EFHC1: variants seen among roughly 807,000 people sequenced by gnomAD.
The protein encoded by EFHC1 is EF-hand domain containing 1.
EFHC1 carries 53 observed loss-of-function variants against 69.9 expected under a neutral mutation model. The ratio of observed to expected loss-of-function variants is 0.76; its 90% CI spans 0.61 to 0.95. The LOEUF (loss-of-function observed/expected upper bound fraction) is 0.95. EFHC1 is among the 40% of genes least tolerant of loss of function. The pLI, the probability that EFHC1 is intolerant of heterozygous loss-of-function variation, is 0.00. For synonymous variants in EFHC1, 256 were observed against 278.4 expected (o/e 0.92, Z 0.80); for missense variants, 739 against 798.7 (o/e 0.93, Z 0.90).
intron 7 of EFHC1, among the ~76,000 whole-genome samples, chr6:52,478,089 T>G (rs1467936671): frequency 6.6e-6 from 1 of 152,206 alleles, no homozygotes; most frequent in Non-Finnish European, 1.5e-5. Context: ...TGGAATACTA[T>G]GCAGCCATAA....
At chr6:52,447,439 T>G (rs1008525593) in intron 3 of EFHC1, among the ~76,000 whole-genome samples, 3 of 152,210 alleles carry the variant, frequency 2.0e-5, no homozygotes, top group African/African-American at 7.2e-5. Flanking sequence ...TTTTCTACAC[T>G]GTTTATTCTA....
intron 9 of EFHC1, chr6:52,483,722 T>C (rs1452392028): frequency 6.6e-6 from 1 of 152,248 alleles, no homozygotes; most frequent in Non-Finnish European, 1.5e-5. Flanking sequence ...AGTCCTCAAT[T>C]TGGCCCTGTG....
chr6:52,463,011 T>TTTTTGTTTGTTTTG, intron 5 of EFHC1, among the ~76,000 whole-genome samples: 1 of 149,310 alleles, frequency 6.7e-6, no homozygotes. Flanking sequence ...TTTTGTTTTG[T>TTTTTGTTTGTTTTG]TTTTGTTTGT....
In EFHC1 at chr6:52,464,877, A is replaced by AT; in HGVS notation, c.917-18_917-17insT. ...ACTCATTCCTTCTTTTTTTCTCTCTAACACCATCTTATATTAGAGAACTTC... is the reference window on the plus strand; with the variant it reads ...ACTCATTCCTTCTTTTTTTCTCTCTATACACCATCTTATATTAGAGAACTTC... On this transcript the variant is annotated splice_polypyrimidine_tract_variant and intron_variant, in intron 5 of 10. Transcript: ENST00000371068. 1.2e-6 allele frequency: 2 copies of AT among 1,606,244 alleles called. No individual in the cohort carries two copies. Among genetic ancestry groups the AT allele is most frequent in the Non-Finnish European group, 1.7e-6 (2 of 1,172,904 alleles).
chr6:52,490,285 A>G lies in EFHC1; in HGVS notation c.1786A>G (p.Arg596Gly), dbSNP rs1765870228. 6.2e-7 allele frequency: 1 copy of G among 1,614,208 alleles called. No individual in the cohort carries two copies. The highest frequency in any genetic ancestry group is 1.7e-5 in the Admixed American group (1 of 60,020). ...CAAGGAAGCTTCAGGATATGTGGAC[A>G]GAGACATGTTCTTTAAAATCTGTGA... ...YDKEASGYVD[R>G]DMFFKICESL... The change falls in exon 10 of 11, where the codon AGA becomes GGA. Residue 596 changes from arginine (R) to glycine (G), a missense_variant. Arg to Gly is a moderately radical substitution (Grantham distance 125). Coordinates refer to ENST00000371068, the MANE Select transcript of EFHC1 (RefSeq NM_018100.4).
At chr6:52,450,187 G>A (rs1398910230) in intron 3 of EFHC1, among the ~76,000 whole-genome samples, 1 of 151,920 alleles carries the variant, frequency 6.6e-6, no homozygotes. Context: ...TATGATTTTG[G>A]TTCTTTTGCA....
intron 3 of EFHC1, among the ~76,000 whole-genome samples, chr6:52,452,389 C>G (rs1403582857): frequency 6.6e-6 from 1 of 152,150 alleles, no homozygotes; most frequent in Non-Finnish European, 1.5e-5. Context: ...CAGCCTTGAC[C>G]TCCTGAGCTC....
chr6:52,442,721 G>A (rs1157144548), intron 3 of EFHC1, among the ~76,000 whole-genome samples: 1 of 152,140 alleles, frequency 6.6e-6, no homozygotes, highest in Non-Finnish European at 1.5e-5. Flanking sequence ...TTGGTTCCAA[G>A]TCTTTGCTAT....
intron 2 of EFHC1, among the ~76,000 whole-genome samples, chr6:52,428,797 G>A (rs1214376863): frequency 6.6e-6 from 1 of 152,140 alleles, no homozygotes; most frequent in African/African-American, 2.4e-5. Flanking sequence ...CATAGTGGTT[G>A]TACTAGTTTA....
chr6:52,429,071 C>T (rs1455933881), intron 2 of EFHC1, among the ~76,000 whole-genome samples: 1 of 152,038 alleles, frequency 6.6e-6, no homozygotes, highest in Non-Finnish European at 1.5e-5. Flanking sequence ...TGTTTGAGTT[C>T]ATTGTAAATT....
At chr6:52,455,132 G>C (rs938531132) in intron 5 of EFHC1, among the ~76,000 whole-genome samples, 2 of 151,962 alleles carry the variant, frequency 1.3e-5, no homozygotes, top group Admixed American at 1.3e-4. Context: ...GAGAGTGGCA[G>C]TGCAACAAAA....
Position 52,496,150 on chromosome 6 carries a change from T to C in EFHC1, c.*3809T>C, listed in dbSNP as rs967640804. ...CAAGCAATATTGTAGGAAGCAGAAA[T>C]GATCATCACTTCAAACTGGCCACCA... On this transcript the variant is annotated 3_prime_UTR_variant, in exon 11 of 11. Coordinates refer to ENST00000371068, the MANE Select transcript of EFHC1 (RefSeq NM_018100.4). 6.2e-6 allele frequency: 1 copy of C among 161,262 alleles called. No homozygotes were observed. Among genetic ancestry groups the C allele is most frequent in the African/African-American group, 2.4e-5 (1 of 41,424 alleles). 10.0% of individuals were successfully genotyped at this position (161,262 alleles called of 1,614,324 possible).
chr6:52,439,781 T>C (rs1348360502), intron 3 of EFHC1, among the ~76,000 whole-genome samples: 1 of 151,998 alleles, frequency 6.6e-6, no homozygotes, highest in Non-Finnish European at 1.5e-5. Flanking sequence ...TCCAAAGCAA[T>C]AGAGAAAAAT....
intron 2 of EFHC1, among the ~76,000 whole-genome samples, chr6:52,435,681 G>A (rs1430688382): frequency 6.6e-6 from 1 of 152,144 alleles, no homozygotes; most frequent in Non-Finnish European, 1.5e-5. Context: ...GCCATGCCTA[G>A]TACTTCCTCC....
chr6:52,452,114 T>C lies in EFHC1; in HGVS notation c.574-574T>C, dbSNP rs946840929. On this transcript the variant is annotated intron_variant, in intron 3 of 10. Coordinates refer to ENST00000371068, the MANE Select transcript of EFHC1 (RefSeq NM_018100.4). ...TTATTTGAAAACAGTTATTTTGCCA[T>C]TGTGCCTCCCAACTAGCTTAGCAAA... is the stretch of plus-strand genomic sequence containing the variant. Among the ~76,000 whole-genome samples, 22 of 152,340 alleles carry C rather than the reference T, an allele frequency of 1.4e-4. No individual in the cohort carries two copies. In the East Asian group the frequency reaches 2.1e-3, roughly 15 times the overall value.
intron 2 of EFHC1, among the ~76,000 whole-genome samples, chr6:52,431,504 A>G (rs887752120): frequency 1.2e-4 from 18 of 152,082 alleles, no homozygotes; most frequent in Non-Finnish European, 4.4e-5. Context: ...ATGTATTTGC[A>G]TGGTTTTGAA....
intron 3 of EFHC1, among the ~76,000 whole-genome samples, chr6:52,451,042 C>T (rs1764906608): frequency 1.3e-5 from 2 of 152,166 alleles, no homozygotes; most frequent in Admixed American, 6.5e-5. Flanking sequence ...TCAAGTGATC[C>T]ACCCACCTCT....
At chr6:52,492,226 G>A in intron 10 of EFHC1, 44 bp from the exon 11 acceptor site, 1 of 1,556,468 alleles carries the variant, frequency 6.4e-7, no homozygotes, top group Non-Finnish European at 8.9e-7. Context: ...GCTGACGGAA[G>A]CCCTGCAGAT....
At chr6:52,435,939 A>C (rs1764522506) in intron 2 of EFHC1, among the ~76,000 whole-genome samples, 1 of 152,176 alleles carries the variant, frequency 6.6e-6, no homozygotes, top group Non-Finnish European at 1.5e-5. Context: ...TTGGGTTGTG[A>C]GTTAATAGTC....
Sources: allele counts gnomAD v4.1 joint callset (sites outside exome capture counted in the v4.1 genomes callset), GRCh38; gene constraint gnomAD v4.1.1; transcripts MANE v1.5; gene names NCBI Gene and HGNC (gene_info 2026-07-23, HGNC 2026-07-21).